The following BCKDHB variants were observed in gnomAD, a reference collection of about 807,000 sequenced individuals.
BCKDHB encodes branched chain keto acid dehydrogenase E1 subunit beta.
In BCKDHB, 41 loss-of-function variants were observed where a neutral mutation model predicts 48.5. The observed-to-expected ratio is 0.85, with a 90% CI of 0.66 to 1.10. The LOEUF is 1.10. Among genes scored for constraint, BCKDHB ranks in the 50% least tolerant of loss-of-function variants. BCKDHB has a pLI of 0.00. For missense variants in BCKDHB, 496 were observed against 494.2 expected, an observed-to-expected ratio of 1.00 and a Z score of -0.03; for synonymous variants, 201 against 174.8, an observed-to-expected ratio of 1.15 and a Z score of -1.18.
intron 9 of BCKDHB, among the ~76,000 whole-genome samples, chr6:80,285,025 A>G (rs1211749593): frequency 2.6e-5 from 4 of 151,988 alleles, no homozygotes; most frequent in Non-Finnish European, 5.9e-5. Context: ...GCAATGGTTA[A>G]CTCTAATTTA....
chr6:80,352,921 A>G, the BCKDHB span, among the ~76,000 whole-genome samples: 2 of 152,184 alleles, frequency 1.3e-5, no homozygotes, highest in Admixed American at 6.5e-5. Context: ...TTTAATTTTT[A>G]TAAATTTATG....
chr6:80,281,134 A>G lies in BCKDHB; in HGVS notation c.1038+7913A>G, dbSNP rs528175910. On this transcript the variant is annotated intron_variant, in intron 9 of 9. Coordinates refer to ENST00000320393, the MANE Select transcript of BCKDHB (RefSeq NM_183050.4). The stretch of plus-strand genomic sequence containing the variant: ...GAGCTCAGGAGAGAATCTAAGGTGT[A>G]GGAAATGGGTAAGGATTCATTCTCT... Among the ~76,000 whole-genome samples, 3 of 152,172 alleles carry G rather than the reference A, an allele frequency of 2.0e-5. No homozygotes were observed. The East Asian group carries it at 5.8e-4, about 29-fold the overall frequency.
At chr6:80,356,215 G>A in the BCKDHB span, 1 of 152,168 alleles carries the variant, frequency 6.6e-6, no homozygotes, top group Non-Finnish European at 1.5e-5. Context: ...CAACTTGCCT[G>A]TCAATCCTAC....
chr6:80,215,573 C>A (rs907299804), intron 8 of BCKDHB, among the ~76,000 whole-genome samples: 2 of 152,106 alleles, frequency 1.3e-5, no homozygotes, highest in Non-Finnish European at 2.9e-5. Flanking sequence ...AATAACGTGG[C>A]ATTTGGTTTT....
At chr6:80,229,455 A>G (rs1295301961) in intron 8 of BCKDHB, among the ~76,000 whole-genome samples, 2 of 152,194 alleles carry the variant, frequency 1.3e-5, no homozygotes, top group Admixed American at 6.5e-5. Context: ...AGGAACAGCA[A>G]TAAGCTTGGT....
chr6:80,361,414 A>G, the BCKDHB span, among the ~76,000 whole-genome samples: 1 of 152,200 alleles, frequency 6.6e-6, no homozygotes, highest in Non-Finnish European at 1.5e-5. Context: ...AGTACATTTG[A>G]CAGGTCCCTC....
the BCKDHB span, among the ~76,000 whole-genome samples, chr6:80,394,173 G>A: frequency 6.6e-6 from 1 of 152,038 alleles, no homozygotes; most frequent in African/African-American, 2.4e-5. Context: ...AAGTAACTTG[G>A]AAAGTGTCTG....
chr6:80,290,011 G>A (rs1766830798), intron 9 of BCKDHB, among the ~76,000 whole-genome samples: 1 of 152,102 alleles, frequency 6.6e-6, no homozygotes, highest in African/African-American at 2.4e-5. Context: ...CACCCTGTAG[G>A]AGTGAGTGCA....
chr6:80,261,001 T>G (rs575445067), intron 8 of BCKDHB, among the ~76,000 whole-genome samples: 9 of 152,130 alleles, frequency 5.9e-5, no homozygotes, highest in African/African-American at 2.2e-4. Flanking sequence ...AAAAAGGAAA[T>G]GAGTTTGGCC....
intron 9 of BCKDHB, among the ~76,000 whole-genome samples, chr6:80,333,694 CAA>C (rs1482707643): frequency 6.6e-6 from 1 of 152,034 alleles, no homozygotes; most frequent in African/African-American, 2.4e-5. Flanking sequence ...AGTTTAGCCC[CAA>C]GTAAGTAGAT....
At chr6:80,394,855 A>G in the BCKDHB span, among the ~76,000 whole-genome samples, 2 of 152,184 alleles carry the variant, frequency 1.3e-5, no homozygotes, top group South Asian at 4.1e-4. Flanking sequence ...GTGGGAGGTA[A>G]TTGAATTATG....
At chr6:80,185,361 T>C (rs1176346972) in intron 6 of BCKDHB, among the ~76,000 whole-genome samples, 1 of 152,210 alleles carries the variant, frequency 6.6e-6, no homozygotes, top group African/African-American at 2.4e-5. Flanking sequence ...GTTGTTTTTC[T>C]ACCTTTTCTG....
At chr6:80,440,902 A>T in the BCKDHB span, 1 of 152,172 alleles carries the variant, frequency 6.6e-6, no homozygotes. Context: ...CAAGAGAGCC[A>T]GGATTAAATT....
At position 80,202,064 on chromosome 6, in the gene BCKDHB, T is replaced by C. The variant is rs572276904; in HGVS notation, c.840+1033T>C. ...GGCAAACCTTTTTGCTATCCTTCTGTCCACTTTTTGATCCACATCTCTGTG... is the reference window on the plus strand; with the variant it reads ...GGCAAACCTTTTTGCTATCCTTCTGCCCACTTTTTGATCCACATCTCTGTG... On this transcript the variant is annotated intron_variant, in intron 7 of 9. Transcript: ENST00000320393. Among the ~76,000 whole-genome samples the C allele has an allele frequency of 2.0e-5, 3 of 152,214 alleles. No individual in the cohort carries two copies. The East Asian group carries it at 5.8e-4, about 29-fold the overall frequency.
the BCKDHB span, among the ~76,000 whole-genome samples, chr6:80,464,770 G>A: frequency 6.6e-6 from 1 of 152,184 alleles, no homozygotes; most frequent in Non-Finnish European, 1.5e-5. Context: ...TTCTAGGATA[G>A]TGAAGATAGA....
chr6:80,408,637 T>C, the BCKDHB span, among the ~76,000 whole-genome samples: 2 of 152,148 alleles, frequency 1.3e-5, no homozygotes, highest in South Asian at 4.1e-4. Flanking sequence ...TTCTAGGTTA[T>C]TTGCATAGAG....
chr6:80,393,105 G>A, the BCKDHB span, among the ~76,000 whole-genome samples: 1 of 151,940 alleles, frequency 6.6e-6, no homozygotes, highest in Non-Finnish European at 1.5e-5. Context: ...ACTAGCTAGA[G>A]TTCCCTCATG....
chr6:80,152,542 A>G (rs73750062), intron 3 of BCKDHB, among the ~76,000 whole-genome samples: 2,847 of 152,296 alleles, frequency 0.019, 84 homozygotes, highest in African/African-American at 0.065. Flanking sequence ...CTGACACCCA[A>G]ACATTTAGGT....
chr6:80,409,631 T>TAA, the BCKDHB span, among the ~76,000 whole-genome samples: 1 of 111,440 alleles, frequency 9.0e-6, no homozygotes. Flanking sequence ...TATATATATA[T>TAA]GATAGTTAGT....
Sources: allele counts gnomAD v4.1 joint callset (sites outside exome capture counted in the v4.1 genomes callset), GRCh38; gene constraint gnomAD v4.1.1; transcripts MANE v1.5; gene names NCBI Gene and HGNC (gene_info 2026-07-23, HGNC 2026-07-21).